AR: variants seen among roughly 807,000 people sequenced by gnomAD.
The protein encoded by AR is androgen receptor.
A neutral mutation model predicts 53.9 loss-of-function variants in AR; 8 were observed. That is an observed-to-expected ratio of 0.15 (90% CI 0.09 to 0.27). The LOEUF (loss-of-function observed/expected upper bound fraction) is 0.27, where lower values mean the gene tolerates loss of function less well. Ranked by LOEUF, AR falls within the 10% of genes least tolerant of loss-of-function variation. AR has a pLI of 1.00. For missense variants in AR, 639 were observed against 742.5 expected, an observed-to-expected ratio of 0.86 and a Z score of 1.62; for synonymous variants, 359 against 316.4, an observed-to-expected ratio of 1.13 and a Z score of -1.43.
At chrX:67,694,853 G>A (rs1359396273) in intron 3 of AR, 5 of 1,086,965 alleles carry the variant, frequency 4.6e-6, no homozygotes, top group Non-Finnish European at 4.8e-6. Flanking sequence ...CGTTGGGGTT[G>A]GGGGCTACTC....
chrX:67,708,394 G>C (rs1376348258), intron 3 of AR, among the ~76,000 whole-genome samples: 2 of 110,952 alleles, frequency 1.8e-5, no homozygotes, highest in Non-Finnish European at 3.8e-5. Flanking sequence ...TCATTCATTT[G>C]ATCTTCAATC....
intron 1 of AR, among the ~76,000 whole-genome samples, chrX:67,548,762 G>A (rs895634911): frequency 8.9e-6 from 1 of 112,073 alleles, no homozygotes; most frequent in Non-Finnish European, 1.9e-5. Flanking sequence ...TTTATTTCAG[G>A]TCTTAATGAA....
At chrX:67,610,030 T>A (rs1332396851) in intron 1 of AR, among the ~76,000 whole-genome samples, 2 of 111,675 alleles carry the variant, frequency 1.8e-5, no homozygotes, top group South Asian at 7.5e-4. Flanking sequence ...TAACCTGTAA[T>A]GAAACAAACA....
rs1454674173 is a variant in AR, at chrX:67,711,525, G to A, written c.2009G>A (p.Cys670Tyr). Residue 670 changes from cysteine (C) to tyrosine (Y), a missense_variant, in exon 4 of 8, where the codon TGT (cysteine) becomes TAT (tyrosine). Physicochemically the swap from Cys to Tyr is radical, Grantham distance 194. This residue lies in a region of AR where 47 missense variants were observed against 35.9 expected (regional missense o/e 1.31). Coordinates refer to ENST00000374690, the MANE Select transcript of AR (RefSeq NM_000044.6). ...LTVSHIEGYE[C>Y]QPIFLNVLEA... The stretch of plus-strand genomic sequence containing the variant: ...GTGTCACACATTGAAGGCTATGAAT[G>A]TCAGCCCATCTTTCTGAATGTCCTG... 8.3e-7 allele frequency: 1 copy of A among 1,211,635 alleles called. No individual in the cohort carries two copies. Among genetic ancestry groups the A allele is most frequent in the South Asian group, 1.8e-5 (1 of 56,879 alleles).
intron 1 of AR, among the ~76,000 whole-genome samples, chrX:67,564,508 G>A (rs1028278842): frequency 5.4e-5 from 6 of 111,754 alleles, no homozygotes; most frequent in Admixed American, 9.5e-5. Flanking sequence ...CAGTCTTGGC[G>A]GGATGTATTT....
chrX:67,607,425 T>A (rs1923683512), intron 1 of AR, among the ~76,000 whole-genome samples: 1 of 112,278 alleles, frequency 8.9e-6, no homozygotes, highest in African/African-American at 3.2e-5. Flanking sequence ...ATAGCCATCT[T>A]GTTGCTCTTC....
At chrX:67,617,040 G>T (rs1285768298) in intron 1 of AR, among the ~76,000 whole-genome samples, 3 of 111,841 alleles carry the variant, frequency 2.7e-5, no homozygotes, top group African/African-American at 9.7e-5. Context: ...CAAGGCAAAA[G>T]AATGGGATGA....
intron 1 of AR, among the ~76,000 whole-genome samples, chrX:67,554,908 G>C (rs1450370521): frequency 9.9e-6 from 1 of 100,722 alleles, no homozygotes; most frequent in Non-Finnish European, 2.0e-5. Flanking sequence ...TGCACTCCAG[G>C]CTCCGTCAAA....
At chrX:67,620,739 C>T (rs994868327) in intron 1 of AR, among the ~76,000 whole-genome samples, 4 of 111,464 alleles carry the variant, frequency 3.6e-5, no homozygotes, top group African/African-American at 1.3e-4. Flanking sequence ...GTCTCATTTG[C>T]CTCAACTGTA....
At chrX:67,650,177 A>G (rs1307020210) in intron 2 of AR, among the ~76,000 whole-genome samples, 1 of 112,132 alleles carries the variant, frequency 8.9e-6, no homozygotes, top group Non-Finnish European at 1.9e-5. Context: ...TTAAGCTACC[A>G]TTGACTTTCT....
intron 2 of AR, among the ~76,000 whole-genome samples, chrX:67,684,924 C>T (rs1365199706): frequency 1.8e-5 from 2 of 110,579 alleles, no homozygotes; most frequent in Admixed American, 9.7e-5. Flanking sequence ...TTTCTTTTTC[C>T]GACCACAAGC....
At chrX:67,664,041 T>A (rs1450066011) in intron 2 of AR, among the ~76,000 whole-genome samples, 1 of 111,787 alleles carries the variant, frequency 8.9e-6, no homozygotes, top group Admixed American at 9.5e-5. Flanking sequence ...TTCAAGGTTT[T>A]TAACTTCTTT....
chrX:67,604,137 C>A (rs754866710), intron 1 of AR, among the ~76,000 whole-genome samples: 1 of 108,580 alleles, frequency 9.2e-6, no homozygotes, highest in Non-Finnish European at 1.9e-5. Flanking sequence ...GGTACAGGAA[C>A]AACACTGGCT....
intron 1 of AR, among the ~76,000 whole-genome samples, chrX:67,584,689 C>A (rs989410919): frequency 3.6e-5 from 4 of 112,086 alleles, no homozygotes; most frequent in African/African-American, 6.5e-5. Flanking sequence ...TCTCAGGAAT[C>A]AGAAGGTAGA....
chrX:67,651,042 A>ATTT (rs371866919), intron 2 of AR, among the ~76,000 whole-genome samples: 7 of 102,901 alleles, frequency 6.8e-5, no homozygotes, highest in African/African-American at 2.5e-4. Context: ...TAAATGTGGC[A>ATTT]TTTTTTTTTT....
chrX:67,627,171 G>C (rs1186724692), intron 1 of AR, among the ~76,000 whole-genome samples: 8 of 111,234 alleles, frequency 7.2e-5, no homozygotes, highest in Admixed American at 6.7e-4. Flanking sequence ...GGTTCAAATG[G>C]TATTTCTAGT....
At chrX:67,594,549 TTACTA>T (rs1212185972) in intron 1 of AR, among the ~76,000 whole-genome samples, 1 of 112,014 alleles carries the variant, frequency 8.9e-6, no homozygotes, top group Non-Finnish European at 1.9e-5. Context: ...TACAAAAAAT[TTACTA>T]TACAAATTTT....
At position 67,727,408 on chromosome X, in the gene AR, C is replaced by G. The variant is rs2076162203; in HGVS notation, c.*3567C>G. On this transcript the variant is annotated 3_prime_UTR_variant, in exon 8 of 8. Coordinates refer to ENST00000374690, the MANE Select transcript of AR (RefSeq NM_000044.6). ...AAATAATGTGCTGATGCTAGAGTCC[C>G]TCTCTGTCCATACTCTACTTCTAAA... is the stretch of plus-strand genomic sequence containing the variant. 1 of 171,668 alleles carries G rather than the reference C, an allele frequency of 5.8e-6. No individual in the cohort carries two copies. The highest frequency in any genetic ancestry group is 1.9e-3 in the Middle Eastern group (1 of 525). The allele number at this position is 171,668 out of a possible 1,213,427, so 14.1% of individuals were successfully genotyped here.
At chrX:67,603,336 G>A (rs187148072) in intron 1 of AR, among the ~76,000 whole-genome samples, 28 of 111,761 alleles carry the variant, frequency 2.5e-4, no homozygotes, top group South Asian at 1.9e-3. Context: ...GTCTCATAAC[G>A]TAGTAGAAGA....
Sources: gnomAD v4.1 joint callset for allele counts (sites outside exome capture counted in the v4.1 genomes callset) on GRCh38, gnomAD v4.1.1 for gene constraint, gnomAD v4.1.1 regional missense constraint, MANE v1.5 for transcripts, NCBI Gene and HGNC (gene_info 2026-07-23, HGNC 2026-07-21) for gene names.